Variants in NUMB observed in about 807,000 individuals in gnomAD.
NUMB encodes the protein NUMB endocytic adaptor protein, also known as protein numb homolog.
NUMB carries 29 observed loss-of-function variants against 59.7 expected under a neutral mutation model. The ratio of observed to expected loss-of-function variants is 0.49; its 90% CI spans 0.36 to 0.66. The LOEUF (loss-of-function observed/expected upper bound fraction) is 0.66, where lower values mean the gene tolerates loss of function less well. NUMB is among the 30% of genes least tolerant of loss of function. NUMB has a pLI of 0.00. For synonymous variants in NUMB, 288 were observed against 288.2 expected (o/e 1.00, Z 0.01); for missense variants, 723 against 822.0 (o/e 0.88, Z 1.47).
intron 12 of NUMB, among the ~76,000 whole-genome samples, chr14:73,278,804 G>A (rs1028289560): frequency 2.9e-5 from 4 of 139,492 alleles, no homozygotes; most frequent in South Asian, 2.4e-4. Context: ...CTTGGCTCAC[G>A]GCAAACTCTG....
At chr14:73,300,234 C>T (rs1049404636) in intron 6 of NUMB, among the ~76,000 whole-genome samples, 6 of 151,982 alleles carry the variant, frequency 3.9e-5, no homozygotes, top group Admixed American at 1.3e-4. Context: ...CAACAAAATG[C>T]AGGGTGAGAT....
At chr14:73,288,303 A>G (rs914761884) in intron 8 of NUMB, among the ~76,000 whole-genome samples, 1 of 152,196 alleles carries the variant, frequency 6.6e-6, no homozygotes, top group Non-Finnish European at 1.5e-5. Flanking sequence ...CTGTAATCCC[A>G]GCACTTTGGG....
At chr14:73,437,371 T>C (rs898744302) in intron 1 of NUMB, among the ~76,000 whole-genome samples, 1 of 152,164 alleles carries the variant, frequency 6.6e-6, no homozygotes, top group Admixed American at 6.5e-5. Context: ...TCCATATTCA[T>C]CTAACTGAAG....
chr14:73,430,137 T>C (rs1897762016), intron 1 of NUMB, among the ~76,000 whole-genome samples: 1 of 150,134 alleles, frequency 6.7e-6, no homozygotes, highest in Admixed American at 6.6e-5. Flanking sequence ...TTTACATTAA[T>C]AAATATTTTA....
At chr14:73,302,796 T>C (rs544907830) in intron 6 of NUMB, among the ~76,000 whole-genome samples, 4 of 152,250 alleles carry the variant, frequency 2.6e-5, no homozygotes, top group African/African-American at 9.6e-5. Flanking sequence ...GAAAAGAAGA[T>C]AAACATGGCT....
chr14:73,350,555 CT>C (rs201806108), intron 4 of NUMB, among the ~76,000 whole-genome samples: 28 of 146,208 alleles, frequency 1.9e-4, no homozygotes, highest in Non-Finnish European at 2.6e-4. Flanking sequence ...ACTTTTTTTT[CT>C]TTTTTTTTTG....
chr14:73,282,763 T>G (rs139108767), intron 10 of NUMB, among the ~76,000 whole-genome samples: 19 of 152,330 alleles, frequency 1.2e-4, no homozygotes, highest in African/African-American at 4.6e-4. Context: ...ATCCCCAAAT[T>G]TCTTCATTTC....
At chr14:73,446,070 T>C (rs1446663981) in intron 1 of NUMB, among the ~76,000 whole-genome samples, 1 of 150,976 alleles carries the variant, frequency 6.6e-6, no homozygotes, top group Non-Finnish European at 1.5e-5. Flanking sequence ...GATCTCAGCC[T>C]ACTGCAACCT....
chr14:73,452,334 T>C (rs1884045853), intron 1 of NUMB, among the ~76,000 whole-genome samples: 1 of 152,064 alleles, frequency 6.6e-6, no homozygotes, highest in Admixed American at 6.6e-5. Context: ...TACTCCAGCC[T>C]GGGCAACGAG....
At chr14:73,382,256 C>A (rs1895280815) in intron 2 of NUMB, among the ~76,000 whole-genome samples, 1 of 152,148 alleles carries the variant, frequency 6.6e-6, no homozygotes, top group African/African-American at 2.4e-5. Flanking sequence ...GAGTGATTCT[C>A]CTGCCTCAGC....
intron 4 of NUMB, among the ~76,000 whole-genome samples, chr14:73,333,661 T>C (rs1892119266): frequency 6.6e-6 from 1 of 152,194 alleles, no homozygotes; most frequent in Non-Finnish European, 1.5e-5. Flanking sequence ...TTCCAAACAT[T>C]TTCTCCCATT....
At position 73,424,010 on chromosome 14, in the gene NUMB, CATGACAGA is replaced by C. The variant is rs1468498988; in HGVS notation, c.-232-13950_-232-13943del. 2.1e-5 allele frequency among the ~76,000 whole-genome samples: 3 copies of C among 144,306 alleles called. No individual in the cohort carries two copies. In the East Asian group the frequency reaches 6.1e-4, roughly 29 times the overall value. 94.7% of individuals were successfully genotyped at this position (144,306 alleles called of 152,430 possible). A position where few individuals can be genotyped will look rare whatever the true frequency, so the allele number is the denominator to read the frequency against. ...AAAAGACTCTTGATCTATTTTGATA[CATGACAGA>C]ATGACAGACGGTTGTATTAATACTT... On this transcript the variant is annotated intron_variant, in intron 1 of 12. Transcript: ENST00000555238.
chr14:73,448,018 G>A (rs1478626187), intron 1 of NUMB, among the ~76,000 whole-genome samples: 1 of 151,996 alleles, frequency 6.6e-6, no homozygotes, highest in Non-Finnish European at 1.5e-5. Flanking sequence ...GGCTGGTCTC[G>A]AACTCTGAGC....
intron 9 of NUMB, chr14:73,286,592 T>C (rs1363828344): frequency 1.7e-5 from 1 of 59,504 alleles, no homozygotes; most frequent in East Asian, 5.6e-4. Context: ...AACAGGGCTA[T>C]AGAAAAAAAG....
In NUMB at chr14:73,303,142, C is replaced by T. The variant is rs372035597; in HGVS notation, c.235-5857G>A. On this transcript the variant is annotated intron_variant, in intron 6 of 12. Coordinates refer to ENST00000555238, the MANE Select transcript of NUMB (RefSeq NM_001005743.2). ...GTGAGACAGGAGACTCCCTTGAACC[C>T]GGGAGGTGGAGGTTGCAGTGAGCTG... Among the ~76,000 whole-genome samples, 45 of 152,130 alleles carry T rather than the reference C, an allele frequency of 3.0e-4. No individual in the cohort carries two copies. In the South Asian group the frequency reaches 6.6e-3, roughly 22 times the overall value.
chr14:73,312,689 G>A (rs1409234577), intron 6 of NUMB, among the ~76,000 whole-genome samples: 3 of 150,748 alleles, frequency 2.0e-5, no homozygotes, highest in Non-Finnish European at 4.4e-5. Context: ...ACTCCAGCTT[G>A]GGTGACAGAG....
At chr14:73,415,271 C>A (rs1897078487) in intron 1 of NUMB, among the ~76,000 whole-genome samples, 3 of 152,006 alleles carry the variant, frequency 2.0e-5, no homozygotes, top group Admixed American at 2.0e-4. Flanking sequence ...AGAGGAATAA[C>A]AATAGGTCTT....
At chr14:73,331,481 G>C (rs1437551659) in intron 4 of NUMB, among the ~76,000 whole-genome samples, 1 of 152,150 alleles carries the variant, frequency 6.6e-6, no homozygotes, top group Non-Finnish European at 1.5e-5. Flanking sequence ...CAGGGAGGCG[G>C]AGCTTGCAGT....
intron 4 of NUMB, among the ~76,000 whole-genome samples, chr14:73,345,050 T>C (rs1892835406): frequency 6.6e-6 from 1 of 152,248 alleles, no homozygotes; most frequent in South Asian, 2.1e-4. Context: ...TGCACTTTTA[T>C]GTTCATCACA....
Sources: allele counts gnomAD v4.1 joint callset (sites outside exome capture counted in the v4.1 genomes callset), GRCh38; gene constraint gnomAD v4.1.1; transcripts MANE v1.5; gene names NCBI Gene and HGNC (gene_info 2026-07-23, HGNC 2026-07-21).